UBAC2: variants seen among roughly 807,000 people sequenced by gnomAD.
The protein encoded by UBAC2 is ubiquitin-associated domain-containing protein 2.
Under a neutral mutation model 44.0 loss-of-function variants are expected in UBAC2, and 26 were observed. That is an observed-to-expected ratio of 0.59 (90% CI 0.43 to 0.82). The LOEUF is 0.82. UBAC2 is among the 40% of genes least tolerant of loss of function. The pLI is 0.00. For synonymous variants in UBAC2, 155 were observed against 154.3 expected (o/e 1.00, Z -0.04); for missense variants, 329 against 419.4 (o/e 0.78, Z 1.88).
At chr13:99,361,423 C>G (rs766078657) in intron 7 of UBAC2, among the ~76,000 whole-genome samples, 1 of 152,204 alleles carries the variant, frequency 6.6e-6, no homozygotes, top group Non-Finnish European at 1.5e-5. Context: ...TCTACTATCA[C>G]AGGAGTAGAG....
chr13:99,285,304 T>G (rs2044004415), intron 4 of UBAC2, among the ~76,000 whole-genome samples: 1 of 152,034 alleles, frequency 6.6e-6, no homozygotes, highest in African/African-American at 2.4e-5. Flanking sequence ...CTCTTCTTCC[T>G]CCCTTTGGTA....
intron 6 of UBAC2, among the ~76,000 whole-genome samples, chr13:99,327,547 T>C (rs2044656612): frequency 6.6e-6 from 1 of 152,128 alleles, no homozygotes; most frequent in Non-Finnish European, 1.5e-5. Flanking sequence ...TGTGTTGATA[T>C]TTTCCTTCTG....
chr13:99,285,127 C>T (rs2044001547), intron 4 of UBAC2, among the ~76,000 whole-genome samples: 1 of 152,132 alleles, frequency 6.6e-6, no homozygotes, highest in Non-Finnish European at 1.5e-5. Flanking sequence ...CCTTACCTAA[C>T]AAAATTATTC....
At chr13:99,368,724 T>TGTGTGTGC (rs2045366665) in intron 8 of UBAC2, among the ~76,000 whole-genome samples, 2 of 149,454 alleles carry the variant, frequency 1.3e-5, no homozygotes, top group East Asian at 4.0e-4. Flanking sequence ...TGTGTGTGTG[T>TGTGTGTGC]GTACACATAC....
Position 99,385,230 on chromosome 13 carries a change from C to T in UBAC2, c.930C>T (p.Val310=), listed in dbSNP as rs1183487347. 6.8e-6 allele frequency: 11 copies of T among 1,613,370 alleles called. No individual in the cohort carries two copies. Among genetic ancestry groups the T allele is most frequent in the African/African-American group, 1.3e-5 (1 of 75,032 alleles). Residue 310 remains valine (V), a splice_region_variant and synonymous_variant, in exon 9 of 9, where the codon GTC becomes GTT. Transcript: ENST00000403766. ...APPLEVSEEQ[V]ARLMEMGFSR... Reference sequence around the variant, plus strand: ...TTCTGCGTTTTCTCTGCCTGCAGGTCGCCCGGCTCATGGAGATGGGATTTT... The same window carrying T: ...TTCTGCGTTTTCTCTGCCTGCAGGTTGCCCGGCTCATGGAGATGGGATTTT...
intron 1 of UBAC2, chr13:99,215,593 C>A (rs761094881): frequency 1.8e-5 from 24 of 1,341,164 alleles, no homozygotes; most frequent in Non-Finnish European, 2.6e-5. Context: ...AGGATGGCTG[C>A]GCTGTACACA....
At chr13:99,296,013 CA>C in intron 4 of UBAC2, 1 of 1,614,014 alleles carries the variant, frequency 6.2e-7, no homozygotes, top group Non-Finnish European at 8.5e-7. Context: ...CCCACGAGCC[CA>C]ATGATGAAGA....
At chr13:99,282,668 T>C (rs542586180) in intron 4 of UBAC2, among the ~76,000 whole-genome samples, 1 of 152,354 alleles carries the variant, frequency 6.6e-6, no homozygotes, top group East Asian at 1.9e-4. Flanking sequence ...GATACTTTAA[T>C]AGTGAAGGGA....
In UBAC2 at chr13:99,378,715, G is replaced by A. The variant is rs528883873; in HGVS notation, c.928-6513G>A. Among the ~76,000 whole-genome samples, 8 of 152,316 alleles carry A rather than the reference G, an allele frequency of 5.3e-5. No individual in the cohort carries two copies. In the South Asian group the frequency reaches 1.0e-3, roughly 20 times the overall value. ...ATAGCACAGGCCAGAGGTTGTGTCA[G>A]GCTTGCATAGCTGTGTTCTCAGTCA... On this transcript the variant is annotated intron_variant, in intron 8 of 8. Coordinates refer to ENST00000403766, the MANE Select transcript of UBAC2 (RefSeq NM_001144072.2).
At chr13:99,286,469 G>T (rs1954993578) in intron 4 of UBAC2, among the ~76,000 whole-genome samples, 1 of 151,782 alleles carries the variant, frequency 6.6e-6, no homozygotes. Flanking sequence ...TCTCTTATTA[G>T]GACTTCTTTT....
intron 8 of UBAC2, among the ~76,000 whole-genome samples, chr13:99,370,910 T>G (rs2045397065): frequency 6.6e-6 from 1 of 152,222 alleles, no homozygotes; most frequent in African/African-American, 2.4e-5. Flanking sequence ...ACCTGCCATG[T>G]GTAAAATCTT....
Position 99,327,484 on chromosome 13 carries a change from C to CTGTG in UBAC2, c.561+9431_561+9434dup, listed in dbSNP as rs59174527. ...TGGTTTTTGGTTTTTCTCTCTCTCT[C>CTGTG]TGTGTGTGTGTGTGTGTGTTTAAGT... On this transcript the variant is annotated intron_variant, in intron 6 of 8. Transcript: ENST00000403766. Among the ~76,000 whole-genome samples the CTGTG allele has an allele frequency of 6.1e-3, 926 of 150,918 alleles. 12 individuals are homozygous for CTGTG. Among genetic ancestry groups the CTGTG allele is most frequent in the African/African-American group, 0.017 (716 of 41,150 alleles).
chr13:99,337,012 C>T (rs564129646), intron 6 of UBAC2, among the ~76,000 whole-genome samples: 3 of 151,866 alleles, frequency 2.0e-5, no homozygotes, highest in Non-Finnish European at 4.4e-5. Context: ...TAGTCATCAT[C>T]TTTGCGCTTT....
rs752311419 is a variant in UBAC2 at position 99,295,638 on chromosome 13, G to T, written c.390-18459G>T. On this transcript the variant is annotated intron_variant, in intron 4 of 8. Coordinates refer to ENST00000403766, the MANE Select transcript of UBAC2 (RefSeq NM_001144072.2). This position sits in a 1 kb window ranked among gnomAD's most constrained non-coding sequence, Gnocchi z 4.1. ...CTTTCAGCCTCCTGCTTTGACATAGGGTTGATGAGGAGTGGGAGTGTCTGA... is the reference window on the plus strand; with the variant it reads ...CTTTCAGCCTCCTGCTTTGACATAGTGTTGATGAGGAGTGGGAGTGTCTGA... 3 of 1,614,034 alleles carry T rather than the reference G, an allele frequency of 1.9e-6. No individual in the cohort carries two copies. Among genetic ancestry groups the T allele is most frequent in the South Asian group, 2.2e-5 (2 of 91,090 alleles).
At chr13:99,241,264 C>CAAAAAAAA (rs35336464) in intron 2 of UBAC2, among the ~76,000 whole-genome samples, 4 of 114,858 alleles carry the variant, frequency 3.5e-5, no homozygotes, top group Non-Finnish European at 1.8e-5. Context: ...GACCCTGTCT[C>CAAAAAAAA]AAAAAAAAAA....
chr13:99,373,818 C>T (rs1002708803), intron 8 of UBAC2, among the ~76,000 whole-genome samples: 3 of 152,146 alleles, frequency 2.0e-5, no homozygotes, highest in Non-Finnish European at 4.4e-5. Context: ...TGTGGTTATA[C>T]TCTAGACACC....
intron 8 of UBAC2, among the ~76,000 whole-genome samples, chr13:99,370,137 G>A (rs1357933104): frequency 3.3e-5 from 5 of 152,178 alleles, no homozygotes; most frequent in South Asian, 2.1e-4. Flanking sequence ...GGTACATACC[G>A]ACCGTGGTTA....
At chr13:99,368,103 G>T (rs1159192521) in intron 8 of UBAC2, among the ~76,000 whole-genome samples, 197 bp downstream of exon 8, 1 of 151,742 alleles carries the variant, frequency 6.6e-6, no homozygotes, top group Non-Finnish European at 1.5e-5. Flanking sequence ...GGCATTATTG[G>T]TTGGGGGGCG....
chr13:99,278,350 A>C (rs1443949227), intron 4 of UBAC2, among the ~76,000 whole-genome samples: 1 of 152,172 alleles, frequency 6.6e-6, no homozygotes, highest in Non-Finnish European at 1.5e-5. Context: ...GGGCGCGTGA[A>C]GGGATTGCCT....
Sources: allele counts gnomAD v4.1 joint callset (sites outside exome capture counted in the v4.1 genomes callset), GRCh38; gene constraint gnomAD v4.1.1; non-coding constraint Gnocchi (gnomAD v3.1); transcripts MANE v1.5; gene names NCBI Gene and HGNC (gene_info 2026-07-23, HGNC 2026-07-21).